ADAM12: variants seen among roughly 807,000 people sequenced by gnomAD.
ADAM12 encodes disintegrin and metalloproteinase domain-containing protein 12.
A neutral mutation model predicts 106.4 loss-of-function variants in ADAM12; 70 were observed. The observed-to-expected ratio is 0.66, with a 90% CI of 0.54 to 0.80. The LOEUF is 0.80. ADAM12 is among the 30% of genes least tolerant of loss of function. The probability of loss-of-function intolerance (pLI) is 0.00; values close to 1 mark genes in which losing one functional copy is unlikely to be tolerated. For missense variants in ADAM12, 1,010 were observed against 1,171.9 expected (o/e 0.86, Z 2.02); for synonymous variants, 420 against 433.5 (o/e 0.97, Z 0.39).
intron 3 of ADAM12, among the ~76,000 whole-genome samples, chr10:126,235,204 C>A (rs543670675): frequency 6.6e-6 from 1 of 152,220 alleles, no homozygotes; most frequent in African/African-American, 2.4e-5. Context: ...CCTCAGGTGA[C>A]CCATCAGGAA....
intron 4 of ADAM12, among the ~76,000 whole-genome samples, chr10:126,141,732 A>T (rs1448539196): frequency 6.6e-6 from 1 of 151,128 alleles, no homozygotes; most frequent in African/African-American, 2.4e-5. Flanking sequence ...AGTGGTAACA[A>T]AGATGGCTTG....
rs571672134 is a variant in ADAM12 at position 126,388,150 on chromosome 10, G to A, written c.-5C>T. 11 of 1,210,766 alleles carry A rather than the reference G, an allele frequency of 9.1e-6. No individual in the cohort carries two copies. The highest frequency in any genetic ancestry group is 1.1e-5 in the Non-Finnish European group (11 of 974,402). 75.0% of individuals were successfully genotyped at this position (1,210,766 alleles called of 1,614,324 possible). ...GGGCAGCGGGCGCGCTGCCATCGTC[G>A]CCGGCCTTCAGTGCAGCAGCTCTCG... On this transcript the variant is annotated 5_prime_UTR_variant, in exon 1 of 23. Transcript: ENST00000448723. This position sits in a 1 kb window ranked among gnomAD's most constrained non-coding sequence, Gnocchi z 4.4.
Position 126,308,630 on chromosome 10 carries a change from T to C in ADAM12, c.186+21782A>G, listed in dbSNP as rs538816410. ...AATTAACTCAAATCTTAAGTGATGT[T>C]TTGACTATTTTTTCAAATTGTGATT... On this transcript the variant is annotated intron_variant, in intron 2 of 22. Transcript: ENST00000448723. Among the ~76,000 whole-genome samples, 28 of 152,356 alleles carry C rather than the reference T, an allele frequency of 1.8e-4. No individual in the cohort carries two copies. In the South Asian group the frequency reaches 5.8e-3, roughly 32 times the overall value.
chr10:126,071,518 A>C lies in ADAM12; in HGVS notation c.1282T>G (p.Phe428Val). The C allele has an allele frequency of 6.2e-7, 1 of 1,613,790 alleles. No homozygotes were observed. The highest frequency in any genetic ancestry group is 8.5e-7 in the Non-Finnish European group (1 of 1,179,946). ...SFGGQKCGNR[F>V]VEEGEECDCG... ...TCACACTCCTCTCCTTCTTCCACAA[A>C]TCTGTTCCCACACTTCTGGCCCCCG... Residue 428 changes from phenylalanine (F) to valine (V), a missense_variant, in exon 12 of 23, where the codon TTT (phenylalanine) becomes GTT (valine). Phe to Val is a conservative substitution (Grantham distance 50). Around this residue, in one of 3 missense-constraint regions of ADAM12, gnomAD observed 615 missense variants for 708.5 expected, o/e 0.87. Coordinates refer to ENST00000448723, the MANE Select transcript of ADAM12 (RefSeq NM_001288973.2).
At chr10:126,020,037 C>T (rs936177909) in intron 21 of ADAM12, among the ~76,000 whole-genome samples, 1 of 152,192 alleles carries the variant, frequency 6.6e-6, no homozygotes, top group Non-Finnish European at 1.5e-5. Flanking sequence ...AAACACTCAA[C>T]TATGGGGCTT....
intron 4 of ADAM12, among the ~76,000 whole-genome samples, chr10:126,138,639 G>T (rs1168328585): frequency 1.3e-5 from 2 of 152,184 alleles, no homozygotes; most frequent in African/African-American, 4.8e-5. Context: ...GCCTCCCAAA[G>T]TGCTGGGATT....
At chr10:126,231,173 G>A (rs989847321) in intron 3 of ADAM12, among the ~76,000 whole-genome samples, 6 of 152,102 alleles carry the variant, frequency 3.9e-5, no homozygotes, top group African/African-American at 1.4e-4. Flanking sequence ...TTTTAAAAAT[G>A]ATTTCTTCAA....
At chr10:126,140,015 C>T (rs776149052) in intron 4 of ADAM12, among the ~76,000 whole-genome samples, 12 of 152,142 alleles carry the variant, frequency 7.9e-5, no homozygotes, top group Non-Finnish European at 1.5e-4. Flanking sequence ...CTTCCCAGGC[C>T]GGGCTTCCCT....
chr10:126,346,645 G>A (rs1855152179), intron 1 of ADAM12, among the ~76,000 whole-genome samples: 2 of 152,110 alleles, frequency 1.3e-5, no homozygotes, highest in Non-Finnish European at 2.9e-5. Flanking sequence ...CATTATTATT[G>A]TGTGGAAGTC....
chr10:126,278,801 C>A (rs968974262), intron 3 of ADAM12, 114 bp downstream of exon 3: 3 of 710,650 alleles, frequency 4.2e-6, no homozygotes, highest in Non-Finnish European at 6.6e-6. Flanking sequence ...ATTTGGATTA[C>A]AAATCCATGC....
chr10:126,309,398 C>T (rs188420318), intron 2 of ADAM12, among the ~76,000 whole-genome samples: 69 of 152,290 alleles, frequency 4.5e-4, no homozygotes, highest in Non-Finnish European at 8.5e-4. Context: ...TCTCTCATAT[C>T]TAAAGCCAGA....
intron 14 of ADAM12, among the ~76,000 whole-genome samples, chr10:126,055,224 G>C (rs752976158): frequency 6.6e-6 from 1 of 152,084 alleles, no homozygotes; most frequent in East Asian, 1.9e-4. Context: ...CTGGTTCTGG[G>C]AACCCTCCTG....
At chr10:126,150,000 A>G (rs1956701158) in intron 4 of ADAM12, among the ~76,000 whole-genome samples, 3 of 152,236 alleles carry the variant, frequency 2.0e-5, no homozygotes, top group Admixed American at 2.0e-4. Flanking sequence ...CAGATGCCTA[A>G]GAAAAAGAAA....
intron 4 of ADAM12, among the ~76,000 whole-genome samples, chr10:126,153,764 C>A (rs1956768772): frequency 6.6e-6 from 1 of 152,096 alleles, no homozygotes; most frequent in Admixed American, 6.5e-5. Flanking sequence ...AATATTCCTA[C>A]AGAACTATTT....
chr10:126,349,579 A>G (rs1855276429), intron 1 of ADAM12, among the ~76,000 whole-genome samples: 1 of 152,220 alleles, frequency 6.6e-6, no homozygotes, highest in African/African-American at 2.4e-5. Flanking sequence ...TTGTTATAAA[A>G]TAAGAGACAG....
At chr10:126,109,743 AACC>A in intron 7 of ADAM12, 29 bp downstream of exon 7, 1 of 1,595,586 alleles carries the variant, frequency 6.3e-7, no homozygotes, top group Non-Finnish European at 8.5e-7. Context: ...ATCTCTAACC[AACC>A]ATACTGAGAA....
chr10:126,288,587 T>C (rs1287522952), intron 2 of ADAM12, among the ~76,000 whole-genome samples: 3 of 151,690 alleles, frequency 2.0e-5, no homozygotes. Context: ...TGTGGTGATG[T>C]GGTGGCCTCA....
intron 3 of ADAM12, among the ~76,000 whole-genome samples, chr10:126,169,724 T>C (rs150321068): frequency 1.3e-5 from 2 of 152,324 alleles, no homozygotes; most frequent in African/African-American, 4.8e-5. Flanking sequence ...GAATAGAAAA[T>C]ATACTTTACA....
At chr10:126,235,787 C>G (rs763194852) in intron 3 of ADAM12, among the ~76,000 whole-genome samples, 2 of 152,110 alleles carry the variant, frequency 1.3e-5, no homozygotes, top group Admixed American at 6.5e-5. Context: ...TGGTCGTGTT[C>G]GAGGAGAGTG....
Sources: gnomAD v4.1 joint callset for allele counts (sites outside exome capture counted in the v4.1 genomes callset) on GRCh38, gnomAD v4.1.1 for gene constraint, gnomAD v4.1.1 regional missense constraint, Gnocchi (gnomAD v3.1) non-coding constraint, MANE v1.5 for transcripts, NCBI Gene and HGNC (gene_info 2026-07-23, HGNC 2026-07-21) for gene names.